Variants in ADAMTS17 observed in about 807,000 individuals in gnomAD.
ADAMTS17 encodes the protein A disintegrin and metalloproteinase with thrombospondin motifs 17.
ADAMTS17 carries 113 observed loss-of-function variants against 141.5 expected under a neutral mutation model. The observed-to-expected ratio is 0.80, with a 90% CI of 0.69 to 0.93. The LOEUF is 0.93. Ranked by LOEUF, ADAMTS17 falls within the 40% of genes least tolerant of loss-of-function variation. The probability of loss-of-function intolerance (pLI) is 0.00; values close to 1 mark genes in which losing one functional copy is unlikely to be tolerated. For missense variants in ADAMTS17, 1,659 were observed against 1,517.9 expected, an observed-to-expected ratio of 1.09 and a Z score of -1.54; for synonymous variants, 768 against 630.6, an observed-to-expected ratio of 1.22 and a Z score of -3.27.
intron 10 of ADAMTS17, among the ~76,000 whole-genome samples, chr15:100,143,973 C>T (rs891104137): frequency 5.3e-5 from 8 of 152,332 alleles, no homozygotes; most frequent in Non-Finnish European, 8.8e-5. Context: ...TAAAATTCCA[C>T]CCAGCACCTG....
In ADAMTS17 at chr15:100,044,593, G is replaced by A. The variant is rs184814994; in HGVS notation, c.2591+4264C>T. Among the ~76,000 whole-genome samples, 11 of 152,238 alleles carry A rather than the reference G, an allele frequency of 7.2e-5. No individual in the cohort carries two copies. In the East Asian group the frequency reaches 1.7e-3, roughly 24 times the overall value. On this transcript the variant is annotated intron_variant, in intron 18 of 21. Transcript: ENST00000268070. ...AGCTTTTCTTACGTTTCTGAGCATA[G>A]TTACAATAGCTGCTTTAACATTCTT... is the stretch of plus-strand genomic sequence containing the variant.
At chr15:100,001,542 G>T (rs2060923080) in intron 18 of ADAMTS17, among the ~76,000 whole-genome samples, 1 of 152,302 alleles carries the variant, frequency 6.6e-6, no homozygotes, top group East Asian at 1.9e-4. Flanking sequence ...GTCGTGATGT[G>T]TCAGGGTAGG....
intron 7 of ADAMTS17, among the ~76,000 whole-genome samples, chr15:100,236,356 C>T (rs1476232344): frequency 1.3e-5 from 2 of 150,910 alleles, no homozygotes; most frequent in Non-Finnish European, 2.9e-5. Context: ...AGAGTGTGGT[C>T]CCCACACCAG....
At chr15:100,095,718 C>G (rs992678340) in intron 15 of ADAMTS17, among the ~76,000 whole-genome samples, 1 of 152,058 alleles carries the variant, frequency 6.6e-6, no homozygotes, top group Non-Finnish European at 1.5e-5. Context: ...GACAGGAGAT[C>G]AGAAAGTTGT....
Position 100,057,139 on chromosome 15 carries a change from G to A in ADAMTS17, c.2138-3085C>T, listed in dbSNP as rs549347312. 3.3e-5 allele frequency among the ~76,000 whole-genome samples: 5 copies of A among 152,238 alleles called. No individual in the cohort carries two copies. In the East Asian group the frequency reaches 5.8e-4, roughly 18 times the overall value. The stretch of plus-strand genomic sequence containing the variant: ...TCAGTTCTGGGCGGGGTGATGGAGG[G>A]AGGAAGGCACAGCACCCCATATGGA... On this transcript the variant is annotated intron_variant, in intron 15 of 21. Coordinates refer to ENST00000268070, the MANE Select transcript of ADAMTS17 (RefSeq NM_139057.4).
chr15:100,119,636 T>C (rs1055157774), intron 12 of ADAMTS17, among the ~76,000 whole-genome samples: 5 of 152,190 alleles, frequency 3.3e-5, no homozygotes, highest in African/African-American at 1.2e-4. Context: ...GGAGAGGAGA[T>C]ATGATGTGAT....
At chr15:100,203,859 C>G (rs2041432804) in intron 7 of ADAMTS17, among the ~76,000 whole-genome samples, 1 of 151,844 alleles carries the variant, frequency 6.6e-6, no homozygotes, top group Non-Finnish European at 1.5e-5. Flanking sequence ...AGATCCATCA[C>G]TGCACTGCAG....
intron 10 of ADAMTS17, among the ~76,000 whole-genome samples, chr15:100,141,161 T>A (rs1444791485): frequency 2.0e-5 from 3 of 152,214 alleles, no homozygotes; most frequent in Non-Finnish European, 2.9e-5. Context: ...ATCCCCAGCA[T>A]GTTTTGCTGC....
At chr15:100,014,410 G>A (rs1459747399) in intron 18 of ADAMTS17, among the ~76,000 whole-genome samples, 1 of 151,652 alleles carries the variant, frequency 6.6e-6, no homozygotes, top group African/African-American at 2.4e-5. Flanking sequence ...TTCTTTTGCT[G>A]GGCTTGTTCT....
intron 3 of ADAMTS17, among the ~76,000 whole-genome samples, chr15:100,308,923 C>T (rs2045315685): frequency 6.6e-6 from 1 of 152,228 alleles, no homozygotes; most frequent in African/African-American, 2.4e-5. Context: ...TGTTTCTTCC[C>T]AAACTTCTGG....
Position 99,973,382 on chromosome 15 carries a change from CTGGGCT to C in ADAMTS17, c.*1014_*1019del, listed in dbSNP as rs11277519. The stretch of plus-strand genomic sequence containing the variant: ...AGGCCTTGCTCTACAGATCCTAGGC[CTGGGCT>C]TGTGTCCTCAGAGGTCCCAAATGTC... On this transcript the variant is annotated 3_prime_UTR_variant, in exon 22 of 22. Transcript: ENST00000268070. 0.63 allele frequency: 95,927 copies of C among 151,364 alleles called. 30,573 individuals carry two copies. The highest frequency in any genetic ancestry group is 0.66 in the Non-Finnish European group (44,576 of 67,750). The allele number at this position is 151,364 out of a possible 1,614,324, so 9.4% of individuals were successfully genotyped here. A position where few individuals can be genotyped will look rare whatever the true frequency, so the allele number is the denominator to read the frequency against.
At chr15:100,146,154 C>G (rs1310849602) in intron 10 of ADAMTS17, among the ~76,000 whole-genome samples, 1 of 152,140 alleles carries the variant, frequency 6.6e-6, no homozygotes, top group Non-Finnish European at 1.5e-5. Context: ...GCCTGGGCGA[C>G]AAGAGTGAAA....
intron 2 of ADAMTS17, 148 bp downstream of exon 2, chr15:100,340,891 A>C: frequency 8.1e-7 from 1 of 1,229,354 alleles, no homozygotes. Context: ...GGGGTGGGGG[A>C]TGGGGAGAGG....
intron 15 of ADAMTS17, chr15:100,063,849 G>A (rs1417723585): frequency 2.2e-6 from 2 of 903,114 alleles, no homozygotes; most frequent in East Asian, 1.2e-4. Context: ...TAGCTACCAA[G>A]CCCCCCACAG....
chr15:100,021,478 C>G (rs984494187), intron 18 of ADAMTS17, among the ~76,000 whole-genome samples: 4 of 152,144 alleles, frequency 2.6e-5, no homozygotes, highest in African/African-American at 9.7e-5. Flanking sequence ...ACTGCCTCCC[C>G]AAAAACAAAC....
At chr15:100,274,470 G>T (rs1164996157) in intron 4 of ADAMTS17, among the ~76,000 whole-genome samples, 1 of 152,144 alleles carries the variant, frequency 6.6e-6, no homozygotes, top group African/African-American at 2.4e-5. Flanking sequence ...GTTGTGTGAT[G>T]TTAGTATAGC....
chr15:100,092,917 G>T (rs1348853820), intron 15 of ADAMTS17, among the ~76,000 whole-genome samples: 4 of 152,100 alleles, frequency 2.6e-5, no homozygotes, highest in Non-Finnish European at 5.9e-5. Flanking sequence ...CAAGGAGCAG[G>T]GCGGAATAAA....
At position 99,997,331 on chromosome 15, in the gene ADAMTS17, G is replaced by C. The variant is rs1041035340; in HGVS notation, c.2796+54C>G. Reference sequence around the variant, plus strand: ...GCACCAGAATGTCACCAATACCATGGCACCGTGTTGGAGTCCCTGTGGCTG... The same window carrying C: ...GCACCAGAATGTCACCAATACCATGCCACCGTGTTGGAGTCCCTGTGGCTG... On this transcript the variant is annotated intron_variant, in intron 19 of 21. Transcript: ENST00000268070. This position sits in a 1 kb window ranked among gnomAD's most constrained non-coding sequence, Gnocchi z 4.7. The C allele has an allele frequency of 7.5e-6, 12 of 1,594,742 alleles. No homozygotes were observed. The highest frequency in any genetic ancestry group is 5.4e-5 in the African/African-American group (4 of 74,578).
At position 100,261,468 on chromosome 15, in the gene ADAMTS17, T is replaced by C. The variant is rs1158692653; in HGVS notation, c.1031+11A>G. 2 of 1,613,652 alleles carry C rather than the reference T, an allele frequency of 1.2e-6. No individual in the cohort carries two copies. Among genetic ancestry groups the C allele is most frequent in the Non-Finnish European group, 1.7e-6 (2 of 1,179,986 alleles). ...TCTCACATGTCAGCTACAGGCCAAA[T>C]CCCATCTTACCTGGTCACAAACACG... On this transcript the variant is annotated intron_variant, in intron 6 of 21. Coordinates refer to ENST00000268070, the MANE Select transcript of ADAMTS17 (RefSeq NM_139057.4).
Sources: gnomAD v4.1 joint callset for allele counts (sites outside exome capture counted in the v4.1 genomes callset) on GRCh38, gnomAD v4.1.1 for gene constraint, Gnocchi (gnomAD v3.1) non-coding constraint, MANE v1.5 for transcripts, NCBI Gene and HGNC (gene_info 2026-07-23, HGNC 2026-07-21) for gene names.